Variants in ADGRG6 observed in about 807,000 individuals in gnomAD.
ADGRG6 encodes the protein G-protein coupled receptor 126.
Under a neutral mutation model 142.4 loss-of-function variants are expected in ADGRG6, and 84 were observed. The observed-to-expected ratio is 0.59, with a 90% CI of 0.49 to 0.71. The LOEUF is 0.71. Among genes scored for constraint, ADGRG6 ranks in the 30% least tolerant of loss-of-function variants. ADGRG6 has a pLI of 0.00. For synonymous variants in ADGRG6, 521 were observed against 520.5 expected (o/e 1.00, Z -0.01); for missense variants, 1,367 against 1,466.6 (o/e 0.93, Z 1.11).
chr6:142,387,721 TAAG>T (rs140304062), intron 6 of ADGRG6, among the ~76,000 whole-genome samples: 2,499 of 152,228 alleles, frequency 0.016, 72 homozygotes, highest in African/African-American at 0.056. Context: ...GAAAAAAGTG[TAAG>T]AAGATAAAAA....
chr6:142,310,199 T>G (rs1777697986), intron 2 of ADGRG6, among the ~76,000 whole-genome samples: 1 of 151,880 alleles, frequency 6.6e-6, no homozygotes, highest in Non-Finnish European at 1.5e-5. Context: ...TACATTTTTT[T>G]GAACTTTGAA....
intron 5 of ADGRG6, among the ~76,000 whole-genome samples, chr6:142,383,011 T>C (rs1210464345): frequency 2.6e-5 from 4 of 152,042 alleles, no homozygotes; most frequent in Non-Finnish European, 4.4e-5. Context: ...AGTTTTTTTT[T>C]CCATGATCTC....
intron 24 of ADGRG6, among the ~76,000 whole-genome samples, chr6:142,440,232 T>TA (rs1485133110): frequency 6.6e-6 from 1 of 152,160 alleles, no homozygotes; most frequent in Non-Finnish European, 1.5e-5. Flanking sequence ...AGGCAGACTT[T>TA]ACTATTTTAA....
At chr6:142,436,464 T>C (rs1215822506) in intron 22 of ADGRG6, among the ~76,000 whole-genome samples, 1 of 148,404 alleles carries the variant, frequency 6.7e-6, no homozygotes. Flanking sequence ...AGTAGGGTCA[T>C]GGATGTGGAT....
At chr6:142,356,656 C>T (rs945816734) in intron 2 of ADGRG6, among the ~76,000 whole-genome samples, 1 of 151,222 alleles carries the variant, frequency 6.6e-6, no homozygotes, top group Non-Finnish European at 1.5e-5. Context: ...TAACCTGAAT[C>T]TGCCACCCAT....
At chr6:142,410,688 A>G (rs1776038345) in intron 17 of ADGRG6, among the ~76,000 whole-genome samples, 1 of 152,124 alleles carries the variant, frequency 6.6e-6, no homozygotes. Flanking sequence ...GTTTAGTTGC[A>G]TAATTTTGAG....
chr6:142,427,248 T>G (rs1197453325), intron 22 of ADGRG6, among the ~76,000 whole-genome samples: 1 of 152,188 alleles, frequency 6.6e-6, no homozygotes, highest in Non-Finnish European at 1.5e-5. Flanking sequence ...GGTCATCTGT[T>G]GAATGTTTTG....
chr6:142,382,203 G>T (rs1032409290), intron 5 of ADGRG6, among the ~76,000 whole-genome samples, 184 bp downstream of exon 5: 2 of 152,102 alleles, frequency 1.3e-5, no homozygotes, highest in African/African-American at 4.8e-5. Context: ...CATGGAGAAA[G>T]AATGCATTCA....
chr6:142,336,489 A>G (rs1255499234), intron 2 of ADGRG6, among the ~76,000 whole-genome samples: 1 of 152,166 alleles, frequency 6.6e-6, no homozygotes, highest in Non-Finnish European at 1.5e-5. Context: ...GGGGTTGAAA[A>G]TAAATAACCA....
Position 142,419,927 on chromosome 6 carries a change from T to A in ADGRG6, c.3142T>A (p.Cys1048Ser). The A allele has an allele frequency of 6.2e-7, 1 of 1,613,558 alleles. No individual in the cohort carries two copies. Among genetic ancestry groups the A allele is most frequent in the Non-Finnish European group, 8.5e-7 (1 of 1,179,602 alleles). The change falls in exon 22 of 25, where the codon TGT (cysteine) becomes AGT (serine). Residue 1048 changes from cysteine (C) to serine (S), a missense_variant. Transcript: ENST00000367609. ...GTTCATTGTGGTAATGGTGCAGATC[T>A]GTGGGAGGAATGGCAAGAGAAGCAA... is the stretch of plus-strand genomic sequence containing the variant. Reference protein sequence around the residue: ...AMFIVVMVQICGRNGKRSNRT... With the variant: ...AMFIVVMVQISGRNGKRSNRT...
intron 14 of ADGRG6, chr6:142,404,214 C>T: frequency 2.1e-6 from 1 of 469,006 alleles, no homozygotes; most frequent in Non-Finnish European, 3.8e-6. Flanking sequence ...GTTACTGGAG[C>T]TAAGCATGAG....
At chr6:142,321,374 T>G (rs928164906) in intron 2 of ADGRG6, among the ~76,000 whole-genome samples, 1 of 151,702 alleles carries the variant, frequency 6.6e-6, no homozygotes, top group Non-Finnish European at 1.5e-5. Context: ...AATGAAAATA[T>G]CCACAAAAAG....
chr6:142,358,183 A>C (rs1013271227), intron 2 of ADGRG6, among the ~76,000 whole-genome samples: 4 of 152,190 alleles, frequency 2.6e-5, no homozygotes, highest in African/African-American at 9.7e-5. Context: ...TGCCAACATA[A>C]ACCTGTTCCA....
chr6:142,356,070 C>T (rs1026459218), intron 2 of ADGRG6, among the ~76,000 whole-genome samples: 3 of 152,182 alleles, frequency 2.0e-5, no homozygotes, highest in African/African-American at 7.2e-5. Flanking sequence ...ACCCCCAGCC[C>T]AGTGCAATTT....
At chr6:142,317,769 ATATC>A (rs1296108016) in intron 2 of ADGRG6, among the ~76,000 whole-genome samples, 10 of 98,878 alleles carry the variant, frequency 1.0e-4, no homozygotes, top group South Asian at 2.5e-4. Context: ...ATATATATTT[ATATC>A]ATATATATTT....
chr6:142,396,554 T>C (rs1288109359), intron 9 of ADGRG6, among the ~76,000 whole-genome samples: 1 of 152,180 alleles, frequency 6.6e-6, no homozygotes, highest in Non-Finnish European at 1.5e-5. Context: ...ATAATACTTA[T>C]TAATATTCAT....
chr6:142,330,408 AT>A (rs1778993920), intron 2 of ADGRG6, among the ~76,000 whole-genome samples: 1 of 152,156 alleles, frequency 6.6e-6, no homozygotes, highest in Non-Finnish European at 1.5e-5. Context: ...TCTTGATGTT[AT>A]TCTCAGCCAA....
chr6:142,404,215 T>C, intron 14 of ADGRG6: 2 of 464,518 alleles, frequency 4.3e-6, no homozygotes, highest in Non-Finnish European at 7.6e-6. Context: ...TTACTGGAGC[T>C]AAGCATGAGT....
chr6:142,395,948 T>C lies in ADGRG6; in HGVS notation c.1425-1665T>C, dbSNP rs183158470. 2.6e-3 allele frequency among the ~76,000 whole-genome samples: 393 copies of C among 152,304 alleles called. 3 individuals carry two copies. The highest frequency in any genetic ancestry group is 4.8e-3 in the Non-Finnish European group (324 of 68,014). On this transcript the variant is annotated intron_variant, in intron 9 of 24. Transcript: ENST00000367609. ...AGGAAACCAAAGCCACAGAGAGGTT[T>C]TTTTCAAATAAAGAATGGCTGATGG...
Sources: allele counts gnomAD v4.1 joint callset (sites outside exome capture counted in the v4.1 genomes callset), GRCh38; gene constraint gnomAD v4.1.1; transcripts MANE v1.5; gene names NCBI Gene and HGNC (gene_info 2026-07-23, HGNC 2026-07-21).